The following PDE4B variants were observed in gnomAD, a reference collection of about 807,000 sequenced individuals.
The protein encoded by PDE4B is phosphodiesterase 4B.
A neutral mutation model predicts 82.2 loss-of-function variants in PDE4B; 20 were observed. That is an observed-to-expected ratio of 0.24 (90% CI 0.17 to 0.35). The LOEUF (loss-of-function observed/expected upper bound fraction) is 0.35. Among genes scored for constraint, PDE4B ranks in the 10% least tolerant of loss-of-function variants. PDE4B has a pLI of 1.00. For missense variants in PDE4B, 655 were observed against 907.2 expected (o/e 0.72, Z 3.57); for synonymous variants, 320 against 318.9 (o/e 1.00, Z -0.04).
At chr1:65,839,110 A>C (rs1343609601) in intron 1 of PDE4B, among the ~76,000 whole-genome samples, 1 of 149,936 alleles carries the variant, frequency 6.7e-6, no homozygotes, top group African/African-American at 2.4e-5. Flanking sequence ...CTTAGACTAT[A>C]AGCTATAAAC....
At chr1:66,350,931 A>C (rs961146070) in intron 8 of PDE4B, among the ~76,000 whole-genome samples, 1 of 152,238 alleles carries the variant, frequency 6.6e-6, no homozygotes, top group Admixed American at 6.5e-5. Flanking sequence ...TTTATTACCT[A>C]TTCTCTACTT....
rs185410409 is a variant in PDE4B, at chr1:66,099,843, T to A, written c.282-147617T>A. Among the ~76,000 whole-genome samples, 6 of 152,262 alleles carry A rather than the reference T, an allele frequency of 3.9e-5. No homozygotes were observed. The East Asian group carries it at 1.2e-3, about 29-fold the overall frequency. On this transcript the variant is annotated intron_variant, in intron 3 of 16. Transcript: ENST00000341517. Reference sequence around the variant, plus strand: ...TGAATTTGATTTTGTATTGATTCAGTCAGAACAGATTGCTTTCTCTGCTTG... The same window carrying A: ...TGAATTTGATTTTGTATTGATTCAGACAGAACAGATTGCTTTCTCTGCTTG...
At chr1:66,002,646 A>T (rs1039925524) in intron 3 of PDE4B, among the ~76,000 whole-genome samples, 5 of 152,008 alleles carry the variant, frequency 3.3e-5, no homozygotes, top group African/African-American at 1.2e-4. Context: ...GGGTTCTATC[A>T]CTGTATAATT....
chr1:66,090,432 T>A (rs1439614879), intron 3 of PDE4B, among the ~76,000 whole-genome samples: 1 of 151,532 alleles, frequency 6.6e-6, no homozygotes, highest in Non-Finnish European at 1.5e-5. Context: ...TGAGGGGAAC[T>A]TTGGGTGGCC....
intron 3 of PDE4B, among the ~76,000 whole-genome samples, chr1:66,196,815 G>T (rs1324841926): frequency 1.5e-5 from 2 of 133,090 alleles, no homozygotes; most frequent in Non-Finnish European, 1.6e-5. Context: ...GTGGTGGGGT[G>T]GGGGGAGGGG....
chr1:66,120,801 C>T lies in PDE4B; in HGVS notation c.282-126659C>T, dbSNP rs182690838. ...TTCTGGCTTCTCTCATGAATGCTAT[C>T]TCCATGGGTCCCACAGGCATTTGAG... On this transcript the variant is annotated intron_variant, in intron 3 of 16. Transcript: ENST00000341517. Among the ~76,000 whole-genome samples, 5 of 152,290 alleles carry T rather than the reference C, an allele frequency of 3.3e-5. No homozygotes were observed. The East Asian group carries it at 9.6e-4, about 29-fold the overall frequency.
intron 3 of PDE4B, among the ~76,000 whole-genome samples, chr1:65,932,685 A>G (rs1022792525): frequency 1.3e-5 from 2 of 152,318 alleles, no homozygotes; most frequent in East Asian, 1.9e-4. Flanking sequence ...CATTATGAAG[A>G]TGTTCACCAA....
At chr1:65,813,047 G>A (rs1645837915) in intron 1 of PDE4B, among the ~76,000 whole-genome samples, 4 of 152,136 alleles carry the variant, frequency 2.6e-5, no homozygotes, top group Admixed American at 2.6e-4. Flanking sequence ...AAACTGGAAC[G>A]AGATTGGGAA....
At chr1:66,308,577 C>G (rs1019141737) in intron 7 of PDE4B, among the ~76,000 whole-genome samples, 1 of 152,070 alleles carries the variant, frequency 6.6e-6, no homozygotes. Flanking sequence ...CTCTTTGGAG[C>G]TTTGTATTAA....
chr1:65,925,254 T>C (rs187560263), intron 3 of PDE4B, among the ~76,000 whole-genome samples: 244 of 152,242 alleles, frequency 1.6e-3, no homozygotes, highest in African/African-American at 5.5e-3. Context: ...GATGGGTTGA[T>C]AGGTGCAGCA....
chr1:66,063,574 A>T (rs1226560128), intron 3 of PDE4B, among the ~76,000 whole-genome samples: 1 of 152,046 alleles, frequency 6.6e-6, no homozygotes, highest in Admixed American at 6.6e-5. Context: ...TAAAGATCAG[A>T]TTGGTGTCAT....
chr1:66,284,836 A>G (rs978926053), intron 7 of PDE4B, among the ~76,000 whole-genome samples: 9 of 152,264 alleles, frequency 5.9e-5, no homozygotes, highest in Admixed American at 2.0e-4. Context: ...ACCTTCCAAG[A>G]TTTTATTTTG....
At chr1:66,105,157 T>C (rs1645319095) in intron 3 of PDE4B, among the ~76,000 whole-genome samples, 1 of 151,470 alleles carries the variant, frequency 6.6e-6, no homozygotes, top group East Asian at 1.9e-4. Context: ...TTTCTACATA[T>C]GGCTAGCCAG....
At chr1:65,897,800 T>C (rs1646927815) in intron 1 of PDE4B, among the ~76,000 whole-genome samples, 1 of 152,284 alleles carries the variant, frequency 6.6e-6, no homozygotes, top group Non-Finnish European at 1.5e-5. Flanking sequence ...AAAATATGAG[T>C]GCATGTGACT....
chr1:65,840,754 C>T (rs1177094270), intron 1 of PDE4B, among the ~76,000 whole-genome samples: 1 of 152,138 alleles, frequency 6.6e-6, no homozygotes, highest in Non-Finnish European at 1.5e-5. Context: ...ATCTTTGCTC[C>T]TTATGTGCAT....
chr1:66,020,047 C>T (rs771898312), intron 3 of PDE4B, among the ~76,000 whole-genome samples: 3 of 152,146 alleles, frequency 2.0e-5, no homozygotes, highest in African/African-American at 4.8e-5. Flanking sequence ...TAGTTACTAT[C>T]GACAAGCATA....
At chr1:66,057,256 G>A (rs939510748) in intron 3 of PDE4B, among the ~76,000 whole-genome samples, 5 of 152,190 alleles carry the variant, frequency 3.3e-5, no homozygotes, top group Admixed American at 3.3e-4. Flanking sequence ...TAATAGACAT[G>A]TTTCCCACTC....
At chr1:65,842,624 G>A (rs1022257357) in intron 1 of PDE4B, among the ~76,000 whole-genome samples, 1 of 152,120 alleles carries the variant, frequency 6.6e-6, no homozygotes, top group East Asian at 1.9e-4. Flanking sequence ...AGCTTAAGAT[G>A]GTACTTAGCA....
At chr1:65,858,874 T>G (rs1391034722) in intron 1 of PDE4B, among the ~76,000 whole-genome samples, 2 of 152,174 alleles carry the variant, frequency 1.3e-5, no homozygotes, top group African/African-American at 4.8e-5. Context: ...GAAAAAAAGA[T>G]GCAGTTCAGC....
Sources: gnomAD v4.1 joint callset for allele counts (sites outside exome capture counted in the v4.1 genomes callset) on GRCh38, gnomAD v4.1.1 for gene constraint, MANE v1.5 for transcripts, NCBI Gene and HGNC (gene_info 2026-07-23, HGNC 2026-07-21) for gene names.